Variants in AMOTL1 observed in about 807,000 individuals in gnomAD.
AMOTL1 encodes angiomotin like 1, also known as angiomotin-like protein 1.
A neutral mutation model predicts 102.9 loss-of-function variants in AMOTL1; 45 were observed. That is an observed-to-expected ratio of 0.44 (90% CI 0.34 to 0.56). AMOTL1 has a LOEUF of 0.56. Ranked by LOEUF, AMOTL1 falls within the 20% of genes least tolerant of loss-of-function variation. The pLI is 0.01. For missense variants in AMOTL1, 1,114 were observed against 1,225.6 expected, an observed-to-expected ratio of 0.91 and a Z score of 1.36; for synonymous variants, 481 against 484.7, an observed-to-expected ratio of 0.99 and a Z score of 0.10.
rs184230068 is a variant in AMOTL1 at position 94,801,228 on chromosome 11, G to T, written c.1121+917G>T. Among the ~76,000 whole-genome samples, 13 of 152,318 alleles carry T rather than the reference G, an allele frequency of 8.5e-5. 1 individual carries two copies. The highest frequency in any genetic ancestry group is 7.2e-4 in the Admixed American group (11 of 15,306). On this transcript the variant is annotated intron_variant, in intron 3 of 12. Transcript: ENST00000433060. ...GTTGTAGGGTAGAGATGAAGTAGCA[G>T]TATGTGCTGTGTGAGGGAGTGCCGT...
In AMOTL1 at chr11:94,872,312, T is replaced by C. The variant is rs901420121; in HGVS notation, c.*1517T>C. 1 of 152,100 alleles carries C rather than the reference T, an allele frequency of 6.6e-6. No homozygotes were observed. Among genetic ancestry groups the C allele is most frequent in the African/African-American group, 2.4e-5 (1 of 41,390 alleles). 9.4% of individuals were successfully genotyped at this position (152,100 alleles called of 1,614,324 possible). Reference sequence around the variant, plus strand: ...CCATCAGAGAGATGCTCCTACAGGGTCCTGATGTTTTTGTACCTCCAGGTC... The same window carrying C: ...CCATCAGAGAGATGCTCCTACAGGGCCCTGATGTTTTTGTACCTCCAGGTC... On this transcript the variant is annotated 3_prime_UTR_variant, in exon 13 of 13. Transcript: ENST00000433060.
At chr11:94,796,298 A>G (rs1297420069) in intron 2 of AMOTL1, among the ~76,000 whole-genome samples, 2 of 152,322 alleles carry the variant, frequency 1.3e-5, no homozygotes, top group East Asian at 3.9e-4. Flanking sequence ...GGTGACAGGG[A>G]GAGCCTTATG....
chr11:94,872,426 A>T lies in AMOTL1; in HGVS notation c.*1631A>T, dbSNP rs1953017553. 2 of 152,260 alleles carry T rather than the reference A, an allele frequency of 1.3e-5. No individual in the cohort carries two copies. The highest frequency in any genetic ancestry group is 4.8e-5 in the African/African-American group (2 of 41,460). The allele number at this position is 152,260 out of a possible 1,614,324, so 9.4% of individuals were successfully genotyped here. On this transcript the variant is annotated 3_prime_UTR_variant, in exon 13 of 13. Transcript: ENST00000433060. ...GGTACCTCTTCCAAGTACCTTCTAA[A>T]TGAAACACTCAAGAGAGTGCTACTC...
Position 94,870,959 on chromosome 11 carries a change from CTACAT to C in AMOTL1, c.*165_*169del. 1 of 538,872 alleles carries C rather than the reference CTACAT, an allele frequency of 1.9e-6. No homozygotes were observed. Among genetic ancestry groups the C allele is most frequent in the Non-Finnish European group, 3.2e-6 (1 of 311,914 alleles). The allele number at this position is 538,872 out of a possible 1,614,324, so 33.4% of individuals were successfully genotyped here. A position where few individuals can be genotyped will look rare whatever the true frequency, so the allele number is the denominator to read the frequency against. Reference sequence around the variant, plus strand: ...ATTTTATAAATGTTAAACACAAAAACTACATGACTGAAGATAGAAGAGAATGCGAT... The same window carrying C: ...ATTTTATAAATGTTAAACACAAAAACGACTGAAGATAGAAGAGAATGCGAT... On this transcript the variant is annotated 3_prime_UTR_variant, in exon 13 of 13. Coordinates refer to ENST00000433060, the MANE Select transcript of AMOTL1 (RefSeq NM_130847.3).
At chr11:94,742,965 C>T (rs985768769) in intron 3 of AMOTL1, among the ~76,000 whole-genome samples, 2 of 152,158 alleles carry the variant, frequency 1.3e-5, no homozygotes, top group African/African-American at 4.8e-5. Flanking sequence ...CCAAAGGCCT[C>T]ACCTCCAAAT....
intron 1 of AMOTL1, among the ~76,000 whole-genome samples, chr11:94,774,602 C>T (rs372759339): frequency 6.6e-6 from 1 of 152,194 alleles, no homozygotes; most frequent in African/African-American, 2.4e-5. Context: ...GATTGAGCAT[C>T]AGAATACCCC....
intron 11 of AMOTL1, 50 bp downstream of exon 11, chr11:94,866,218 A>G (rs1952880821): frequency 6.4e-7 from 1 of 1,560,878 alleles, no homozygotes; most frequent in African/African-American, 1.4e-5. Flanking sequence ...AAGACCAGAC[A>G]GCTTCTCTGC....
At chr11:94,855,323 G>A (rs766962860) in intron 8 of AMOTL1, among the ~76,000 whole-genome samples, 6 of 152,170 alleles carry the variant, frequency 3.9e-5, no homozygotes, top group Non-Finnish European at 7.3e-5. Flanking sequence ...ACCCACCTCC[G>A]CCTCCCACTG....
chr11:94,824,759 A>G, intron 4 of AMOTL1, among the ~76,000 whole-genome samples: 1 of 152,198 alleles, frequency 6.6e-6, no homozygotes, highest in East Asian at 1.9e-4. Context: ...GTTTTGCTGT[A>G]CAATCTTGTA....
chr11:94,817,979 A>G (rs1381246276), intron 3 of AMOTL1, among the ~76,000 whole-genome samples: 1 of 152,226 alleles, frequency 6.6e-6, no homozygotes, highest in Non-Finnish European at 1.5e-5. Flanking sequence ...TGGGGCAGCT[A>G]CACTCCTGTG....
rs768027778 is a variant in AMOTL1, at chr11:94,799,551, A to C, written c.361A>C (p.Ile121Leu). The C allele has an allele frequency of 1.9e-6, 3 of 1,613,790 alleles. No individual in the cohort carries two copies. The highest frequency in any genetic ancestry group is 2.5e-6 in the Non-Finnish European group (3 of 1,179,818). The change falls in exon 3 of 13, where the codon ATT (isoleucine) becomes CTT (leucine). Residue 121 changes from isoleucine (I) to leucine (L), a missense_variant. Transcript: ENST00000433060. The surrounding 1 kb of genome is among the most constrained non-coding windows in gnomAD (Gnocchi z 4.5). ...AACCGAGAACATGAACTTGCTGGCC[A>C]TTCAGCACCAGGCCACAGGGAGTGC... ...TPTENMNLLAIQHQATGSAGP... is the reference protein window; with the variant it reads ...TPTENMNLLALQHQATGSAGP...
intron 6 of AMOTL1, among the ~76,000 whole-genome samples, chr11:94,849,654 G>C (rs1001968150): frequency 1.3e-4 from 20 of 152,150 alleles, no homozygotes; most frequent in Admixed American, 9.2e-4. Flanking sequence ...CCCCTCTGCT[G>C]TCTAGCCTCA....
intron 1 of AMOTL1, among the ~76,000 whole-genome samples, chr11:94,776,322 A>G (rs1365906922): frequency 6.6e-6 from 1 of 152,122 alleles, no homozygotes; most frequent in Non-Finnish European, 1.5e-5. Context: ...TGACCTCCAA[A>G]ATACTTCTTG....
chr11:94,781,269 C>T lies in AMOTL1; in HGVS notation c.49+12709C>T, dbSNP rs368456295. On this transcript the variant is annotated intron_variant, in intron 1 of 12. Coordinates refer to ENST00000433060, the MANE Select transcript of AMOTL1 (RefSeq NM_130847.3). ...TTTATTTAACCAACAGGGGTCCATT[C>T]GCCTGACTAATAGAGTTCAAGCAGT... Among the ~76,000 whole-genome samples the T allele has an allele frequency of 1.1e-3, 160 of 152,248 alleles. 3 individuals are homozygous for T. In the South Asian group the frequency reaches 0.032, roughly 30 times the overall value.
chr11:94,740,942 T>A lies in AMOTL1; in HGVS notation c.90T>A (p.Ser30Arg), dbSNP rs138078931. The change falls in exon 3 of 5, where the codon AGT becomes AGA. Residue 30 changes from serine (S) to arginine (R), a missense_variant. Coordinates refer to the AMOTL1 transcript ENST00000299004. ...TCTGCTTTTCTTCTCCCCCAGACAGTGAGTTTGTGGAAGCCTCGCCCGCAT... is the reference window on the plus strand; with the variant it reads ...TCTGCTTTTCTTCTCCCCCAGACAGAGAGTTTGTGGAAGCCTCGCCCGCAT... The A allele has an allele frequency of 3.9e-4, 499 of 1,288,880 alleles. 1 individual carries two copies. In the African/African-American group the frequency reaches 4.8e-3, roughly 12 times the overall value. The allele number at this position is 1,288,880 out of a possible 1,614,324, so 79.8% of individuals were successfully genotyped here.
chr11:94,768,441 G>A lies in AMOTL1; in HGVS notation c.-71G>A. On this transcript the variant is annotated 5_prime_UTR_variant, in exon 1 of 13. Coordinates refer to ENST00000433060, the MANE Select transcript of AMOTL1 (RefSeq NM_130847.3). ...CCTGTGTGAATGGGGTTGATTGTCC[G>A]GCGCCACTTCCCCGCGCTGCCCGGC... The A allele has an allele frequency of 5.2e-6, 8 of 1,546,854 alleles. No individual in the cohort carries two copies. Among genetic ancestry groups the A allele is most frequent in the South Asian group, 1.2e-5 (1 of 83,662 alleles).
intron 4 of AMOTL1, among the ~76,000 whole-genome samples, chr11:94,827,383 C>T (rs190327474): frequency 2.0e-4 from 31 of 152,228 alleles, no homozygotes; most frequent in Non-Finnish European, 3.5e-4. Context: ...TTGATGATGC[C>T]CTTTGGTCTT....
chr11:94,789,495 G>A (rs1165013813), intron 1 of AMOTL1, among the ~76,000 whole-genome samples: 1 of 152,176 alleles, frequency 6.6e-6, no homozygotes, highest in East Asian at 1.9e-4. Context: ...GCATGCAGGT[G>A]TTTGGAGGAG....
intron 6 of AMOTL1, among the ~76,000 whole-genome samples, chr11:94,846,846 A>G (rs947556284): frequency 1.3e-5 from 2 of 152,188 alleles, no homozygotes; most frequent in African/African-American, 4.8e-5. Context: ...GGAAAATAAG[A>G]ATTATGGTGC....
Sources: gnomAD v4.1 joint callset for allele counts (sites outside exome capture counted in the v4.1 genomes callset) on GRCh38, gnomAD v4.1.1 for gene constraint, Gnocchi (gnomAD v3.1) non-coding constraint, MANE v1.5 for transcripts, NCBI Gene and HGNC (gene_info 2026-07-23, HGNC 2026-07-21) for gene names.